SLC9A9: variants seen among roughly 807,000 people sequenced by gnomAD.
SLC9A9 encodes sodium/hydrogen exchanger 9.
Under a neutral mutation model 77.8 loss-of-function variants are expected in SLC9A9, and 62 were observed. The observed-to-expected ratio is 0.80, with a 90% CI of 0.65 to 0.98. SLC9A9 has a LOEUF of 0.98. Ranked by LOEUF, SLC9A9 falls within the 50% of genes least tolerant of loss-of-function variation. SLC9A9 has a pLI of 0.00. For synonymous variants in SLC9A9, 320 were observed against 283.5 expected (o/e 1.13, Z -1.29); for missense variants, 775 against 774.9 (o/e 1.00, Z 0.00).
intron 2 of SLC9A9, among the ~76,000 whole-genome samples, chr3:143,830,820 C>T (rs1199943011): frequency 1.3e-5 from 2 of 151,968 alleles, no homozygotes; most frequent in Non-Finnish European, 2.9e-5. Flanking sequence ...AAGAGATAAT[C>T]CAAAACAGAT....
At chr3:143,477,330 A>ATTTTTTTTTT (rs59195338) in intron 11 of SLC9A9, among the ~76,000 whole-genome samples, 108 of 99,992 alleles carry the variant, frequency 1.1e-3, no homozygotes, top group Middle Eastern at 5.3e-3. Flanking sequence ...GGCTTCTTCA[A>ATTTTTTTTTT]TTTTTTTTTT....
At chr3:143,370,509 A>C (rs2033027878) in intron 13 of SLC9A9, among the ~76,000 whole-genome samples, 1 of 151,440 alleles carries the variant, frequency 6.6e-6, no homozygotes, top group Non-Finnish European at 1.5e-5. Context: ...CACATATCAT[A>C]ATTCAGTTGG....
intron 4 of SLC9A9, among the ~76,000 whole-genome samples, chr3:143,708,514 A>T (rs906964923): frequency 6.6e-5 from 10 of 152,018 alleles, no homozygotes; most frequent in South Asian, 4.2e-4. Flanking sequence ...CCATCAGAAA[A>T]CTATGTTTAA....
chr3:143,575,712 G>A (rs1192537686), intron 7 of SLC9A9, among the ~76,000 whole-genome samples: 1 of 152,084 alleles, frequency 6.6e-6, no homozygotes, highest in Non-Finnish European at 1.5e-5. Flanking sequence ...AATGTTCAGG[G>A]CAGGTGAGTA....
chr3:143,394,087 C>A, intron 12 of SLC9A9, among the ~76,000 whole-genome samples: 1 of 152,186 alleles, frequency 6.6e-6, no homozygotes, highest in East Asian at 1.9e-4. Context: ...GGGAATCCCC[C>A]CTAACTCATT....
chr3:143,272,609 A>G (rs1367117885), intron 14 of SLC9A9, among the ~76,000 whole-genome samples: 1 of 152,154 alleles, frequency 6.6e-6, no homozygotes, highest in African/African-American at 2.4e-5. Flanking sequence ...TTGCTGAGCA[A>G]TGTCTGGAAA....
At chr3:143,409,995 C>T (rs1047722738) in intron 12 of SLC9A9, among the ~76,000 whole-genome samples, 1 of 152,220 alleles carries the variant, frequency 6.6e-6, no homozygotes, top group Non-Finnish European at 1.5e-5. Flanking sequence ...AGGGACACGT[C>T]TCTTGAGAAG....
At chr3:143,808,177 C>T (rs986890362) in intron 2 of SLC9A9, among the ~76,000 whole-genome samples, 1 of 152,208 alleles carries the variant, frequency 6.6e-6, no homozygotes, top group Non-Finnish European at 1.5e-5. Flanking sequence ...AGCTGCTCAT[C>T]AAACGTTGGT....
intron 14 of SLC9A9, among the ~76,000 whole-genome samples, chr3:143,341,365 AATC>A (rs2032093753): frequency 6.6e-6 from 1 of 152,174 alleles, no homozygotes; most frequent in Admixed American, 6.5e-5. Flanking sequence ...TTATAAAAAT[AATC>A]ATCCATTCAT....
At chr3:143,289,250 C>T (rs1042599683) in intron 14 of SLC9A9, among the ~76,000 whole-genome samples, 2 of 152,152 alleles carry the variant, frequency 1.3e-5, no homozygotes, top group African/African-American at 4.8e-5. Context: ...AATTCACTGC[C>T]TCCCAAACAA....
At chr3:143,701,073 T>G (rs1276068252) in intron 4 of SLC9A9, among the ~76,000 whole-genome samples, 1 of 152,212 alleles carries the variant, frequency 6.6e-6, no homozygotes, top group African/African-American at 2.4e-5. Context: ...CCTCTTCGAG[T>G]CTGCAAGAAC....
Position 143,848,183 on chromosome 3 carries a change from C to A in SLC9A9, c.140G>T (p.Arg47Leu), listed in dbSNP as rs758160122. Residue 47 changes from arginine to leucine, a missense_variant, in exon 1 of 16, where the codon CGC becomes CTC. Coordinates refer to ENST00000316549, the MANE Select transcript of SLC9A9 (RefSeq NM_173653.4). ...TGCTCCTCCAGTTTCATGCAAGAAGCGGAATCGATGATTTTTAAATAACCA... is the reference window on the plus strand; with the variant it reads ...TGCTCCTCCAGTTTCATGCAAGAAGAGGAATCGATGATTTTTAAATAACCA... ...TIWLFKNHRF[R>L]FLHETGGAMV... 1.2e-6 allele frequency: 2 copies of A among 1,613,962 alleles called. No individual in the cohort carries two copies. The highest frequency in any genetic ancestry group is 2.2e-5 in the South Asian group (2 of 91,078).
At chr3:143,380,461 A>C (rs2033277862) in intron 13 of SLC9A9, among the ~76,000 whole-genome samples, 1 of 41,760 alleles carries the variant, frequency 2.4e-5, no homozygotes. Context: ...AATTTAGATA[A>C]AAGTTTTCTT....
At chr3:143,720,758 C>G (rs527677303) in intron 4 of SLC9A9, among the ~76,000 whole-genome samples, 50 of 152,334 alleles carry the variant, frequency 3.3e-4, no homozygotes, top group African/African-American at 1.2e-3. Flanking sequence ...TCAGCTGAAA[C>G]AATGGACAGA....
intron 6 of SLC9A9, among the ~76,000 whole-genome samples, chr3:143,613,097 A>G (rs145330484): frequency 3.9e-4 from 60 of 152,372 alleles, no homozygotes; most frequent in African/African-American, 1.1e-3. Flanking sequence ...GGAAAGATAC[A>G]AAACATTTTT....
chr3:143,310,936 GT>G lies in SLC9A9; in HGVS notation c.1605-41957del, dbSNP rs746612245. On this transcript the variant is annotated intron_variant, in intron 14 of 15. Transcript: ENST00000316549. ...AACTGGATTGTTTATTTGGGAGGAT[GT>G]CTGAAGTCCTCAGGCCTCTCATTTT... 8.5e-5 allele frequency among the ~76,000 whole-genome samples: 13 copies of G among 152,204 alleles called. 1 individual carries two copies. In the East Asian group the frequency reaches 1.3e-3, roughly 16 times the overall value.
chr3:143,658,594 G>T (rs2038932431), intron 5 of SLC9A9, among the ~76,000 whole-genome samples: 1 of 151,440 alleles, frequency 6.6e-6, no homozygotes, highest in Non-Finnish European at 1.5e-5. Flanking sequence ...CCTTTTTTTT[G>T]AAATGTAAGG....
intron 4 of SLC9A9, among the ~76,000 whole-genome samples, chr3:143,706,997 G>C (rs1174416514): frequency 6.6e-6 from 1 of 152,124 alleles, no homozygotes; most frequent in South Asian, 2.1e-4. Context: ...TGAATGGGGT[G>C]GGGGCAGTAG....
chr3:143,551,765 C>G (rs1458934582), intron 9 of SLC9A9, among the ~76,000 whole-genome samples: 1 of 152,194 alleles, frequency 6.6e-6, no homozygotes, highest in African/African-American at 2.4e-5. Context: ...TGATAACGAA[C>G]CTCTTGAAGG....
Sources: gnomAD v4.1 joint callset for allele counts (sites outside exome capture counted in the v4.1 genomes callset) on GRCh38, gnomAD v4.1.1 for gene constraint, MANE v1.5 for transcripts, NCBI Gene and HGNC (gene_info 2026-07-23, HGNC 2026-07-21) for gene names.